SGMS1: variants seen among roughly 807,000 people sequenced by gnomAD.
SGMS1 encodes the protein sphingomyelin synthase 1.
SGMS1 carries 13 observed loss-of-function variants against 46.2 expected under a neutral mutation model. That is an observed-to-expected ratio of 0.28 (90% confidence interval 0.18 to 0.45). The LOEUF (loss-of-function observed/expected upper bound fraction) is 0.45, where lower values mean the gene tolerates loss of function less well. Ranked by LOEUF, SGMS1 falls within the 20% of genes least tolerant of loss-of-function variation. The probability of loss-of-function intolerance (pLI) is 1.00; values close to 1 mark genes in which losing one functional copy is unlikely to be tolerated. For missense variants in SGMS1, 324 were observed against 519.9 expected (o/e 0.62, Z 3.66); for synonymous variants, 203 against 187.8 (o/e 1.08, Z -0.66).
chr10:50,368,388 G>A (rs766164162), intron 6 of SGMS1, among the ~76,000 whole-genome samples: 1 of 151,892 alleles, frequency 6.6e-6, no homozygotes, highest in Non-Finnish European at 1.5e-5. Context: ...CCGGAGTCTC[G>A]ATCTGTCACC....
Position 50,559,544 on chromosome 10 carries a change from A to G in SGMS1, c.-589+30609T>C, listed in dbSNP as rs1318690307. The stretch of plus-strand genomic sequence containing the variant: ...CACTAGAATTAAACCCATTATTGAT[A>G]AGGAAATTAAACTTTAAAGAAGTAA... On this transcript the variant is annotated intron_variant, in intron 2 of 10. Coordinates refer to ENST00000361781, the MANE Select transcript of SGMS1 (RefSeq NM_147156.4). 9.9e-5 allele frequency among the ~76,000 whole-genome samples: 15 copies of G among 152,194 alleles called. 1 individual carries two copies. The highest frequency in any genetic ancestry group is 9.8e-4 in the Admixed American group (15 of 15,270).
chr10:50,456,299 C>A (rs1837190241), intron 5 of SGMS1, among the ~76,000 whole-genome samples: 1 of 149,398 alleles, frequency 6.7e-6, no homozygotes, highest in African/African-American at 2.6e-5. Flanking sequence ...TCAATAAGGA[C>A]AATTATTGAT....
intron 1 of SGMS1, among the ~76,000 whole-genome samples, chr10:50,613,765 C>T (rs751315710): frequency 1.3e-5 from 2 of 152,128 alleles, no homozygotes; most frequent in Non-Finnish European, 2.9e-5. Context: ...GTTTTCGTCC[C>T]GAGGTTTTAT....
intron 6 of SGMS1, among the ~76,000 whole-genome samples, chr10:50,407,626 C>T (rs1442415941): frequency 1.3e-5 from 2 of 152,042 alleles, no homozygotes; most frequent in Non-Finnish European, 1.5e-5. Context: ...TTCCCCCCGC[C>T]GTAAATAAGA....
At chr10:50,333,410 T>C (rs1366400644) in intron 7 of SGMS1, among the ~76,000 whole-genome samples, 1 of 152,224 alleles carries the variant, frequency 6.6e-6, no homozygotes, top group Non-Finnish European at 1.5e-5. Context: ...ATGCTCACTA[T>C]CCCTTCACTC....
At chr10:50,529,717 T>C (rs893340832) in intron 2 of SGMS1, among the ~76,000 whole-genome samples, 2 of 152,140 alleles carry the variant, frequency 1.3e-5, no homozygotes, top group Non-Finnish European at 2.9e-5. Context: ...GAATCATATA[T>C]GCAAAAATTT....
At chr10:50,422,188 C>T (rs897036266) in intron 6 of SGMS1, among the ~76,000 whole-genome samples, 6 of 152,140 alleles carry the variant, frequency 3.9e-5, no homozygotes, top group Non-Finnish European at 5.9e-5. Context: ...TCTCAGCAGA[C>T]AGTGGAAATC....
At chr10:50,598,595 G>A (rs918065712) in intron 1 of SGMS1, among the ~76,000 whole-genome samples, 4 of 152,250 alleles carry the variant, frequency 2.6e-5, no homozygotes, top group Middle Eastern at 3.4e-3. Context: ...ATATAGCTCT[G>A]AAGTTCCTTG....
intron 1 of SGMS1, among the ~76,000 whole-genome samples, chr10:50,622,365 C>A (rs909091172): frequency 6.6e-6 from 1 of 152,180 alleles, no homozygotes; most frequent in African/African-American, 2.4e-5. Context: ...ACCAGTCCCA[C>A]TCCTCTCCTT....
intron 6 of SGMS1, among the ~76,000 whole-genome samples, chr10:50,345,801 C>T (rs1386840613): frequency 2.0e-5 from 3 of 152,178 alleles, no homozygotes; most frequent in Admixed American, 6.5e-5. Flanking sequence ...ATCCGAAACG[C>T]TTCTGGTCCC....
chr10:50,591,379 C>A (rs1838539418), intron 1 of SGMS1, among the ~76,000 whole-genome samples: 1 of 152,158 alleles, frequency 6.6e-6, no homozygotes, highest in South Asian at 2.1e-4. Flanking sequence ...TTAAAACCAA[C>A]CCCACAGCCA....
At chr10:50,382,028 T>G (rs921110469) in intron 6 of SGMS1, among the ~76,000 whole-genome samples, 2 of 152,208 alleles carry the variant, frequency 1.3e-5, no homozygotes, top group Non-Finnish European at 2.9e-5. Flanking sequence ...TTTCAATACA[T>G]TTTTCTGAGA....
intron 6 of SGMS1, among the ~76,000 whole-genome samples, chr10:50,427,988 T>TGTGTGTGTGTGTGTGC (rs1849352323): frequency 6.6e-6 from 1 of 150,450 alleles, no homozygotes; most frequent in Admixed American, 6.6e-5. Context: ...AGAGAGAGAA[T>TGTGTGTGTGTGTGTGC]GTGTGTGTGT....
At chr10:50,571,854 G>GA (rs1338141601) in intron 2 of SGMS1, among the ~76,000 whole-genome samples, 8 of 152,060 alleles carry the variant, frequency 5.3e-5, no homozygotes, top group Non-Finnish European at 1.2e-4. Context: ...TTGCAGGTAA[G>GA]AAAAATAGGA....
chr10:50,465,837 T>G (rs1311816525), intron 4 of SGMS1, among the ~76,000 whole-genome samples: 1 of 151,890 alleles, frequency 6.6e-6, no homozygotes, highest in Non-Finnish European at 1.5e-5. Context: ...GCATGAAACA[T>G]TTTCCAGAGA....
intron 2 of SGMS1, among the ~76,000 whole-genome samples, chr10:50,527,889 T>A (rs1032566887): frequency 3.3e-5 from 5 of 152,192 alleles, no homozygotes; most frequent in Non-Finnish European, 7.3e-5. Context: ...TGGCAGGTCC[T>A]CCAACGGCAG....
chr10:50,555,949 G>A (rs867711859), intron 2 of SGMS1, among the ~76,000 whole-genome samples: 2 of 152,154 alleles, frequency 1.3e-5, no homozygotes, highest in Non-Finnish European at 2.9e-5. Context: ...TTAGCTCAAC[G>A]GAAAGACCAT....
chr10:50,419,443 A>G (rs931802895), intron 6 of SGMS1, among the ~76,000 whole-genome samples: 2 of 152,216 alleles, frequency 1.3e-5, no homozygotes, highest in Non-Finnish European at 2.9e-5. Flanking sequence ...CTTTAGGTTC[A>G]GGATTCTTGA....
intron 1 of SGMS1, among the ~76,000 whole-genome samples, chr10:50,616,947 A>C (rs1314156902): frequency 6.6e-6 from 1 of 152,238 alleles, no homozygotes; most frequent in Non-Finnish European, 1.5e-5. Flanking sequence ...CTTTGTTGAG[A>C]ACTTAATAAG....
Sources: gnomAD v4.1 joint callset for allele counts (sites outside exome capture counted in the v4.1 genomes callset) on GRCh38, gnomAD v4.1.1 for gene constraint, MANE v1.5 for transcripts, NCBI Gene and HGNC (gene_info 2026-07-23, HGNC 2026-07-21) for gene names.